Variants in GRID1 observed in about 807,000 individuals in gnomAD.
GRID1 encodes glutamate ionotropic receptor delta type subunit 1, also known as glutamate receptor ionotropic, delta-1.
In GRID1, 28 loss-of-function variants were observed where a neutral mutation model predicts 98.0. The ratio of observed to expected loss-of-function variants is 0.29; its 90% CI spans 0.21 to 0.39. The LOEUF is 0.39. Ranked by LOEUF, GRID1 falls within the 10% of genes least tolerant of loss-of-function variation. The probability of loss-of-function intolerance (pLI) is 1.00; values close to 1 mark genes in which losing one functional copy is unlikely to be tolerated. For missense variants in GRID1, 1,111 were observed against 1,340.5 expected (o/e 0.83, Z 2.67); for synonymous variants, 553 against 538.5 (o/e 1.03, Z -0.37).
rs568332917 is a variant in GRID1, at chr10:85,872,718, T to C, written c.781-3538A>G. 9.6e-4 allele frequency among the ~76,000 whole-genome samples: 146 copies of C among 152,336 alleles called. 1 individual carries two copies. Among genetic ancestry groups the C allele is most frequent in the African/African-American group, 3.2e-3 (132 of 41,586 alleles). ...TTCCATTCTACCCACCTGGGAATTC[T>C]TGAAGGCTCCCTTTCCAACCCATTA... On this transcript the variant is annotated intron_variant, in intron 5 of 15. Transcript: ENST00000327946.
intron 2 of GRID1, among the ~76,000 whole-genome samples, chr10:86,207,895 G>A (rs1032702830): frequency 6.6e-6 from 1 of 152,156 alleles, no homozygotes; most frequent in African/African-American, 2.4e-5. Flanking sequence ...CTCCCAAAGT[G>A]CTGGGATTAC....
At chr10:85,834,880 T>A (rs367796803) in intron 8 of GRID1, among the ~76,000 whole-genome samples, 2 of 152,146 alleles carry the variant, frequency 1.3e-5, no homozygotes, top group African/African-American at 2.4e-5. Flanking sequence ...GATGTAAATA[T>A]GCCAATTAAA....
At chr10:86,283,101 C>G (rs1847379106) in intron 2 of GRID1, among the ~76,000 whole-genome samples, 1 of 152,206 alleles carries the variant, frequency 6.6e-6, no homozygotes, top group Non-Finnish European at 1.5e-5. Context: ...TCCATGTGCC[C>G]TCATGGCCTG....
chr10:85,936,836 C>G (rs1008605397), intron 4 of GRID1, among the ~76,000 whole-genome samples: 3 of 152,184 alleles, frequency 2.0e-5, no homozygotes, highest in African/African-American at 7.2e-5. Context: ...GCCATTAATA[C>G]AATCTCTTCT....
chr10:86,343,373 C>T lies in GRID1; in HGVS notation c.235+20568G>A, dbSNP rs181297132. 3.4e-3 allele frequency among the ~76,000 whole-genome samples: 525 copies of T among 152,284 alleles called. 2 individuals are homozygous for T. Among genetic ancestry groups the T allele is most frequent in the African/African-American group, 0.012 (504 of 41,564 alleles). Reference sequence around the variant, plus strand: ...GAGAATATGGGCTGTATAATTAAAACAATTTAAATCCAATTATAAGAAGAC... The same window carrying T: ...GAGAATATGGGCTGTATAATTAAAATAATTTAAATCCAATTATAAGAAGAC... On this transcript the variant is annotated intron_variant, in intron 2 of 15. Transcript: ENST00000327946.
chr10:85,785,446 A>G (rs1232672203), intron 8 of GRID1, among the ~76,000 whole-genome samples: 1 of 152,198 alleles, frequency 6.6e-6, no homozygotes, highest in East Asian at 1.9e-4. Flanking sequence ...AAAAGTGGGG[A>G]CTAGGAAGGG....
At chr10:85,824,669 T>C (rs1842802975) in intron 8 of GRID1, among the ~76,000 whole-genome samples, 1 of 152,170 alleles carries the variant, frequency 6.6e-6, no homozygotes. Context: ...ACCCAATATA[T>C]AGTTTTTTAT....
At chr10:86,074,362 C>T (rs1843849480) in intron 4 of GRID1, among the ~76,000 whole-genome samples, 1 of 152,174 alleles carries the variant, frequency 6.6e-6, no homozygotes, top group Non-Finnish European at 1.5e-5. Context: ...ATCATTCTAC[C>T]CGCTACCGCC....
chr10:86,280,831 C>T (rs576649527), intron 2 of GRID1, among the ~76,000 whole-genome samples: 14 of 152,304 alleles, frequency 9.2e-5, no homozygotes, highest in African/African-American at 3.4e-4. Flanking sequence ...TTTTCTCTCC[C>T]CCATTTTCCC....
chr10:85,641,353 G>A (rs1333898549), intron 13 of GRID1, among the ~76,000 whole-genome samples: 1 of 152,184 alleles, frequency 6.6e-6, no homozygotes, highest in Non-Finnish European at 1.5e-5. Context: ...AAAAGATAAA[G>A]TCACAGACTT....
In GRID1 at chr10:85,599,719, G is replaced by A. The variant is rs1162045009; in HGVS notation, c.*2554C>T. 4 of 133,524 alleles carry A rather than the reference G, an allele frequency of 3.0e-5. No individual in the cohort carries two copies. The East Asian group carries it at 8.7e-4, about 29-fold the overall frequency. 8.3% of individuals were successfully genotyped at this position (133,524 alleles called of 1,614,324 possible). On this transcript the variant is annotated 3_prime_UTR_variant, in exon 16 of 16. Transcript: ENST00000327946. ...CTGACACAGAAATCTGAGTTGGGAAGTTTTTTTTTTTCCTAGAGAACTTGC... is the reference window on the plus strand; with the variant it reads ...CTGACACAGAAATCTGAGTTGGGAAATTTTTTTTTTTCCTAGAGAACTTGC...
At chr10:85,974,111 C>T (rs1040670972) in intron 4 of GRID1, among the ~76,000 whole-genome samples, 1 of 152,108 alleles carries the variant, frequency 6.6e-6, no homozygotes, top group Non-Finnish European at 1.5e-5. Flanking sequence ...CTGCTTTCTA[C>T]GGAAAGTCTA....
At chr10:86,059,691 G>A (rs567872178) in intron 4 of GRID1, among the ~76,000 whole-genome samples, 40 of 152,314 alleles carry the variant, frequency 2.6e-4, no homozygotes, top group Non-Finnish European at 4.3e-4. Context: ...ATGCTCATAA[G>A]AGTTTGCTTG....
intron 12 of GRID1, among the ~76,000 whole-genome samples, chr10:85,702,523 T>C (rs1415931168): frequency 6.6e-6 from 1 of 152,062 alleles, no homozygotes; most frequent in African/African-American, 2.4e-5. Context: ...ATTTAATAGA[T>C]GACAAAATTA....
In GRID1 at chr10:85,951,296, G is replaced by A. The variant is rs1178168351; in HGVS notation, c.727-35057C>T. On this transcript the variant is annotated intron_variant, in intron 4 of 15. Coordinates refer to ENST00000327946, the MANE Select transcript of GRID1 (RefSeq NM_017551.3). ...AATTAATAATTGAATGTGATGGGATGGAATCAGAGCAAATAAAAGGACAAG... is the reference window on the plus strand; with the variant it reads ...AATTAATAATTGAATGTGATGGGATAGAATCAGAGCAAATAAAAGGACAAG... 2.6e-5 allele frequency among the ~76,000 whole-genome samples: 4 copies of A among 152,160 alleles called. No homozygotes were observed. The South Asian group carries it at 6.2e-4, about 24-fold the overall frequency.
intron 12 of GRID1, among the ~76,000 whole-genome samples, chr10:85,665,446 A>G (rs1841008545): frequency 1.3e-5 from 2 of 152,210 alleles, no homozygotes. Flanking sequence ...GATGGTGTTT[A>G]ATAACAACTT....
chr10:85,914,823 G>A (rs1841589686), intron 5 of GRID1, among the ~76,000 whole-genome samples: 1 of 152,186 alleles, frequency 6.6e-6, no homozygotes, highest in South Asian at 2.1e-4. Context: ...AGTAATTTAG[G>A]AGCAGCTGAA....
chr10:85,835,286 T>C (rs1394596526), intron 8 of GRID1, among the ~76,000 whole-genome samples: 2 of 152,180 alleles, frequency 1.3e-5, no homozygotes, highest in Admixed American at 1.3e-4. Flanking sequence ...TTAACAAGGA[T>C]ATTGAAACTC....
intron 8 of GRID1, among the ~76,000 whole-genome samples, chr10:85,734,179 G>A (rs981348873): frequency 7.2e-5 from 11 of 152,108 alleles, no homozygotes; most frequent in Non-Finnish European, 1.2e-4. Flanking sequence ...CATATGGCTA[G>A]TTTGGCCAGC....
Sources: allele counts gnomAD v4.1 joint callset (sites outside exome capture counted in the v4.1 genomes callset), GRCh38; gene constraint gnomAD v4.1.1; transcripts MANE v1.5; gene names NCBI Gene and HGNC (gene_info 2026-07-23, HGNC 2026-07-21).